Variants in FOXC2 observed in about 807,000 individuals in gnomAD.
The protein encoded by FOXC2 is forkhead box C2.
FOXC2 carries 7 observed loss-of-function variants against 7.2 expected under a neutral mutation model. That is an observed-to-expected ratio of 0.97 (90% CI 0.55 to 1.81). The LOEUF (loss-of-function observed/expected upper bound fraction) is 1.81. Ranked by LOEUF, FOXC2 falls within the 40% of genes most tolerant of loss-of-function variation. The pLI is 0.00. For synonymous variants in FOXC2, 436 were observed against 350.4 expected, an observed-to-expected ratio of 1.24 and a Z score of -2.73; for missense variants, 846 against 741.2, an observed-to-expected ratio of 1.14 and a Z score of -1.64.
rs774078804 is a variant in FOXC2, at chr16:86,567,874, G to T, written c.539G>T (p.Arg180Leu). The change falls in exon 1 of 1, where the codon CGG becomes CTG. Residue 180 changes from arginine (R) to leucine (L), a missense_variant. By Grantham distance (102) the Arg-to-Leu change is moderately radical. Transcript: ENST00000649859. Reference sequence around the variant, plus strand: ...GACGTGTCCAAGGAGAAGGAGGAGCGGGCCCACCTCAAGGAGCCGCCCCCG... The same window carrying T: ...GACGTGTCCAAGGAGAAGGAGGAGCTGGCCCACCTCAAGGAGCCGCCCCCG... Reference protein sequence around the residue: ...KKDVSKEKEERAHLKEPPPAA... With the variant: ...KKDVSKEKEELAHLKEPPPAA... 6.2e-7 allele frequency: 1 copy of T among 1,610,098 alleles called. No individual in the cohort carries two copies.
At position 86,568,362 on chromosome 16, in the gene FOXC2, G is replaced by A. The variant is rs1223233551; in HGVS notation, c.1027G>A (p.Glu343Lys). The A allele has an allele frequency of 2.9e-6, 4 of 1,373,600 alleles. No homozygotes were observed. The highest frequency in any genetic ancestry group is 5.5e-5 in the Admixed American group (2 of 36,562). The allele number at this position is 1,373,600 out of a possible 1,614,324, so 85.1% of individuals were successfully genotyped here. A position where few individuals can be genotyped will look rare whatever the true frequency, so the allele number is the denominator to read the frequency against. Residue 343 changes from glutamate (E) to lysine (K), a missense_variant, in exon 1 of 1, where the codon GAG becomes AAG. Glu to Lys is a moderately conservative substitution (Grantham distance 56, BLOSUM62 1). Around this residue, in one of 3 missense-constraint regions of FOXC2, gnomAD observed 640 missense variants for 503.2 expected, o/e 1.27. Transcript: ENST00000649859. This position sits in a 1 kb window ranked among gnomAD's most constrained non-coding sequence, Gnocchi z 5.2. ...AGCGATGAGCCTGTACACCGGGGCC[G>A]AGCGGCCGGCGCACATGTGCGTCCC... ...MRAMSLYTGA[E>K]RPAHMCVPPA... is the part of the protein sequence containing the mutation.
Sources: allele counts gnomAD v4.1 joint callset, GRCh38; gene constraint gnomAD v4.1.1; regional missense constraint gnomAD v4.1.1; non-coding constraint Gnocchi (gnomAD v3.1); transcripts MANE v1.5; gene names NCBI Gene and HGNC (gene_info 2026-07-23, HGNC 2026-07-21).